C1QTNF9: variants seen among roughly 807,000 people sequenced by gnomAD.
The protein encoded by C1QTNF9 is complement C1q and tumor necrosis factor-related protein 9A.
A neutral mutation model predicts 10.1 loss-of-function variants in C1QTNF9; 6 were observed. The ratio of observed to expected loss-of-function variants is 0.59; its 90% confidence interval spans 0.32 to 1.17. The LOEUF (loss-of-function observed/expected upper bound fraction) is 1.17, where lower values mean the gene tolerates loss of function less well. C1QTNF9 is among the 50% of genes most tolerant of loss of function. C1QTNF9 has a pLI of 0.04. For synonymous variants in C1QTNF9, 98 were observed against 163.5 expected (o/e 0.60, Z 3.06); for missense variants, 201 against 418.8 (o/e 0.48, Z 4.54).
chr13:24,316,278 T>C (rs1378556601), intron 2 of C1QTNF9, 109 bp downstream of exon 2: 1 of 1,484,810 alleles, frequency 6.7e-7, no homozygotes, highest in South Asian at 1.3e-5. Flanking sequence ...ACCCCATCCA[T>C]CCATACATAC....
intron 2 of C1QTNF9, among the ~76,000 whole-genome samples, chr13:24,317,549 C>T (rs1435242780): frequency 6.6e-6 from 1 of 151,942 alleles, no homozygotes; most frequent in Non-Finnish European, 1.5e-5. Flanking sequence ...ATATATATTA[C>T]TTCTTAGAAG....
chr13:24,321,987 T>C (rs531655110), exon 4 of C1QTNF9: 4 of 566,388 alleles, frequency 7.1e-6, no homozygotes, highest in Middle Eastern at 4.9e-4. Flanking sequence ...TTATTTCACA[T>C]TTCTTATTCC....
intron 3 of C1QTNF9, among the ~76,000 whole-genome samples, chr13:24,319,321 T>A (rs1878159047): frequency 6.6e-6 from 1 of 152,162 alleles, no homozygotes. Flanking sequence ...AGAGAATCGC[T>A]TGAACCTAGG....
chr13:24,315,897 C>T, intron 1 of C1QTNF9, 85 bp from the exon 2 acceptor site: 1 of 1,448,222 alleles, frequency 6.9e-7, no homozygotes, highest in Non-Finnish European at 9.5e-7. Flanking sequence ...ACAGCTCATC[C>T]ATTTCCCACT....
At chr13:24,317,970 C>A (rs373276743) in intron 2 of C1QTNF9, among the ~76,000 whole-genome samples, 1 of 152,104 alleles carries the variant, frequency 6.6e-6, no homozygotes, top group South Asian at 2.1e-4. Flanking sequence ...GAACAGACAT[C>A]GTGACAGAAA....
intron 1 of C1QTNF9, among the ~76,000 whole-genome samples, chr13:24,310,645 G>A (rs894540192): frequency 6.6e-6 from 1 of 151,740 alleles, no homozygotes; most frequent in Non-Finnish European, 1.5e-5. Flanking sequence ...TGGGCGCGGT[G>A]GCTCACACCT....
chr13:24,312,640 T>G (rs1877872244), intron 1 of C1QTNF9, among the ~76,000 whole-genome samples: 1 of 152,122 alleles, frequency 6.6e-6, no homozygotes, highest in Admixed American at 6.6e-5. Context: ...AGGTATAAAC[T>G]TGCTAAAATT....
intron 2 of C1QTNF9, among the ~76,000 whole-genome samples, chr13:24,318,124 C>T (rs569837539): frequency 4.4e-4 from 67 of 152,222 alleles, no homozygotes; most frequent in African/African-American, 1.5e-3. Context: ...AGCTGTGGCC[C>T]AATGAGCACT....
At chr13:24,313,346 A>C (rs1877906488) in intron 1 of C1QTNF9, among the ~76,000 whole-genome samples, 1 of 152,232 alleles carries the variant, frequency 6.6e-6, no homozygotes, top group Non-Finnish European at 1.5e-5. Flanking sequence ...ATTGGAGTTT[A>C]TCCTAACCTG....
intron 3 of C1QTNF9, among the ~76,000 whole-genome samples, chr13:24,320,431 CT>C (rs1878209427): frequency 1.3e-5 from 2 of 152,168 alleles, no homozygotes; most frequent in African/African-American, 4.8e-5. Flanking sequence ...GTTGCCCAGG[CT>C]GCAGTGCAGT....
At chr13:24,318,823 C>G (rs752497059) in exon 3 of C1QTNF9, 12 of 1,614,248 alleles carry the variant, frequency 7.4e-6, no homozygotes, top group Non-Finnish European at 1.0e-5. Flanking sequence ...CCTAGGAGAA[C>G]CAGGACGTCC....
intron 2 of C1QTNF9, among the ~76,000 whole-genome samples, chr13:24,317,969 T>C (rs369034623): frequency 6.6e-5 from 10 of 152,120 alleles, no homozygotes; most frequent in African/African-American, 2.4e-4. Context: ...AGAACAGACA[T>C]CGTGACAGAA....
upstream of C1QTNF9, among the ~76,000 whole-genome samples, chr13:24,309,377 A>G (rs933403966): frequency 6.6e-6 from 1 of 150,384 alleles, no homozygotes; most frequent in Non-Finnish European, 1.5e-5. Context: ...TTTCATTCAA[A>G]AGGATTTAAC....
upstream of C1QTNF9, among the ~76,000 whole-genome samples, chr13:24,307,895 G>A (rs976632323): frequency 6.6e-6 from 1 of 152,232 alleles, no homozygotes; most frequent in Non-Finnish European, 1.5e-5. Flanking sequence ...CGCTGCAGTC[G>A]GGAAACACCA....
chr13:24,318,306 A>T (rs1319012932), intron 2 of C1QTNF9, among the ~76,000 whole-genome samples: 1 of 152,200 alleles, frequency 6.6e-6, no homozygotes, highest in East Asian at 1.9e-4. Context: ...AAGGCACTAG[A>T]GGGATCCTTC....
intron 2 of C1QTNF9, among the ~76,000 whole-genome samples, chr13:24,317,370 T>C (rs868432788): frequency 2.1e-4 from 32 of 152,054 alleles, no homozygotes; most frequent in African/African-American, 7.5e-4. Flanking sequence ...AGATAAAAAA[T>C]AGAGGACAAA....
At chr13:24,316,837 G>A (rs562712272) in intron 2 of C1QTNF9, among the ~76,000 whole-genome samples, 2 of 152,294 alleles carry the variant, frequency 1.3e-5, no homozygotes, top group Admixed American at 6.5e-5. Flanking sequence ...CTTGGTTTCC[G>A]AATGGGGTAC....
intron 2 of C1QTNF9, among the ~76,000 whole-genome samples, chr13:24,318,054 G>A (rs1465812440): frequency 1.3e-5 from 2 of 152,266 alleles, no homozygotes; most frequent in African/African-American, 2.4e-5. Flanking sequence ...CCACAGCCAC[G>A]TCAGTGGGTC....
At chr13:24,315,716 A>C in intron 1 of C1QTNF9, 9 of 509,836 alleles carry the variant, frequency 1.8e-5, no homozygotes, top group East Asian at 1.1e-4. Context: ...GATGAACGGA[A>C]GAGTATCCTG....
Sources: gnomAD v4.1 joint callset for allele counts (sites outside exome capture counted in the v4.1 genomes callset) on GRCh38, gnomAD v4.1.1 for gene constraint, MANE v1.5 for transcripts, NCBI Gene and HGNC (gene_info 2026-07-23, HGNC 2026-07-21) for gene names.